Variants in COL6A6 observed in about 807,000 individuals in gnomAD.
COL6A6 encodes collagen type VI alpha 6 chain, also known as collagen alpha-6(VI) chain.
Under a neutral mutation model 208.6 loss-of-function variants are expected in COL6A6, and 183 were observed. The ratio of observed to expected loss-of-function variants is 0.88; its 90% CI spans 0.78 to 0.99. COL6A6 has a LOEUF of 0.99. Ranked by LOEUF, COL6A6 falls within the 50% of genes least tolerant of loss-of-function variation. COL6A6 has a pLI of 0.00. For synonymous variants in COL6A6, 973 were observed against 1,011.8 expected (o/e 0.96, Z 0.73); for missense variants, 2,816 against 2,815.2 (o/e 1.00, Z -0.01).
intron 32 of COL6A6, among the ~76,000 whole-genome samples, chr3:130,647,124 A>G (rs2065483346): frequency 6.6e-6 from 1 of 152,186 alleles, no homozygotes; most frequent in South Asian, 2.1e-4. Context: ...GAGCCATGTT[A>G]GTTGGGGAAC....
At chr3:130,597,994 C>T (rs2063897547) in intron 18 of COL6A6, among the ~76,000 whole-genome samples, 1 of 152,116 alleles carries the variant, frequency 6.6e-6, no homozygotes, top group South Asian at 2.1e-4. Context: ...TGTAACTTTG[C>T]CTAGCCTCCA....
Position 130,582,072 on chromosome 3 carries a change from C to A in COL6A6, c.3970+4C>A. 1 of 1,557,446 alleles carries A rather than the reference C, an allele frequency of 6.4e-7. No homozygotes were observed. The highest frequency in any genetic ancestry group is 8.8e-7 in the Non-Finnish European group (1 of 1,136,538). On this transcript the variant is annotated splice_donor_region_variant and intron_variant, in intron 10 of 36. Transcript: ENST00000358511. ...TCTGATGAACTTAGAAAAGAAGGTA[C>A]TGAGTATGGAGAAGTGGGAAGGGAG...
Position 130,661,632 on chromosome 3 carries a change from C to G in COL6A6, c.5831-5C>G, listed in dbSNP as rs774691511. The stretch of plus-strand genomic sequence containing the variant: ...TAGTAACCCAGAGTAACTTTTGGTT[C>G]ACAGATGTGTGCAAGCCAGATGCTT... On this transcript the variant is annotated splice_region_variant and splice_polypyrimidine_tract_variant and intron_variant, in intron 34 of 36. Coordinates refer to ENST00000358511, the MANE Select transcript of COL6A6 (RefSeq NM_001102608.3). The G allele has an allele frequency of 1.3e-6, 2 of 1,594,602 alleles. No homozygotes were observed. Among genetic ancestry groups the G allele is most frequent in the South Asian group, 1.1e-5 (1 of 88,946 alleles).
intron 33 of COL6A6, among the ~76,000 whole-genome samples, chr3:130,656,070 C>A (rs1405794634): frequency 6.6e-6 from 1 of 152,228 alleles, no homozygotes; most frequent in African/African-American, 2.4e-5. Flanking sequence ...GAACTGCAGA[C>A]CCCCAGAGAG....
intron 11 of COL6A6, among the ~76,000 whole-genome samples, chr3:130,588,049 G>A (rs185191626): frequency 6.6e-6 from 1 of 152,212 alleles, no homozygotes; most frequent in African/African-American, 2.4e-5. Flanking sequence ...TAGAATTTTG[G>A]TGATCCAAAG....
At chr3:130,615,400 G>A (rs1174352867) in intron 23 of COL6A6, among the ~76,000 whole-genome samples, 1 of 152,174 alleles carries the variant, frequency 6.6e-6, no homozygotes, top group Non-Finnish European at 1.5e-5. Flanking sequence ...GCGATGAGAA[G>A]AATGAATATT....
Position 130,642,756 on chromosome 3 carries a change from G to T in COL6A6, c.5155-76G>T, listed in dbSNP as rs569781585. 6.5e-5 allele frequency: 85 copies of T among 1,310,968 alleles called. 1 individual carries two copies. The South Asian group carries it at 1.1e-3, about 16-fold the overall frequency. 81.2% of individuals were successfully genotyped at this position (1,310,968 alleles called of 1,614,324 possible). ...ACTTTTAAAAGTTATCACTTTCTGAGGGCAATGTTGGTGCACACTGGCTAC... is the reference window on the plus strand; with the variant it reads ...ACTTTTAAAAGTTATCACTTTCTGATGGCAATGTTGGTGCACACTGGCTAC... On this transcript the variant is annotated intron_variant, in intron 29 of 36. Transcript: ENST00000358511.
At chr3:130,602,104 C>CATGGAGGCTGCA (rs1169962865) in intron 20 of COL6A6, among the ~76,000 whole-genome samples, 3 of 152,134 alleles carry the variant, frequency 2.0e-5, no homozygotes, top group Non-Finnish European at 1.5e-5. Flanking sequence ...CAACCAAGGC[C>CATGGAGGCTGCA]ATGGAGGCTG....
chr3:130,652,830 G>C (rs556741675), intron 33 of COL6A6, among the ~76,000 whole-genome samples: 1 of 152,114 alleles, frequency 6.6e-6, no homozygotes, highest in African/African-American at 2.4e-5. Flanking sequence ...TAAAACCCTA[G>C]TTTGTTTCAT....
intron 1 of COL6A6, among the ~76,000 whole-genome samples, chr3:130,525,646 A>G (rs937895026): frequency 6.6e-6 from 1 of 152,116 alleles, no homozygotes; most frequent in African/African-American, 2.4e-5. Context: ...GACAGAAGTC[A>G]TGAGTAGGTC....
intron 23 of COL6A6, among the ~76,000 whole-genome samples, chr3:130,619,035 T>G (rs1410234619): frequency 6.6e-6 from 1 of 152,168 alleles, no homozygotes; most frequent in African/African-American, 2.4e-5. Context: ...AACCAACAAA[T>G]TAAACACAGT....
intron 12 of COL6A6, among the ~76,000 whole-genome samples, chr3:130,590,813 C>T (rs909234995): frequency 1.3e-5 from 2 of 151,894 alleles, no homozygotes; most frequent in African/African-American, 2.4e-5. Flanking sequence ...TTGATCCGCC[C>T]GCCTGGGCCT....
chr3:130,534,211 TA>T (rs149386615), intron 1 of COL6A6, among the ~76,000 whole-genome samples: 9,961 of 152,134 alleles, frequency 0.065, 1,103 homozygotes, highest in African/African-American at 0.23. Context: ...TTGGCCAGTC[TA>T]ATAGGAAGGA....
intron 25 of COL6A6, among the ~76,000 whole-genome samples, chr3:130,626,886 A>AG (rs1199089808): frequency 1.3e-5 from 2 of 152,142 alleles, no homozygotes; most frequent in Non-Finnish European, 2.9e-5. Flanking sequence ...CCCACTGCTC[A>AG]GGGTTTCTAC....
intron 1 of COL6A6, among the ~76,000 whole-genome samples, chr3:130,554,650 G>T (rs999734281): frequency 6.6e-6 from 1 of 152,152 alleles, no homozygotes; most frequent in Non-Finnish European, 1.5e-5. Context: ...GGATCACAGG[G>T]TGCACTCACA....
In COL6A6 at chr3:130,662,535, T is replaced by G. The variant is rs146704381; in HGVS notation, c.6502+227T>G. On this transcript the variant is annotated intron_variant, in intron 35 of 36. Coordinates refer to ENST00000358511, the MANE Select transcript of COL6A6 (RefSeq NM_001102608.3). ...TTTTTTTTTATGCCTCTGGTTCCTA[T>G]AGAGAAGCAATCATAACAAGCAGCT... 1.1e-4 allele frequency among the ~76,000 whole-genome samples: 16 copies of G among 152,208 alleles called. 1 individual carries two copies. Among genetic ancestry groups the G allele is most frequent in the Non-Finnish European group, 2.1e-4 (14 of 67,992 alleles).
chr3:130,596,311 C>T (rs2063849949), intron 18 of COL6A6, among the ~76,000 whole-genome samples: 1 of 152,066 alleles, frequency 6.6e-6, no homozygotes. Context: ...ATATGATGAC[C>T]AAAAATTCAT....
Position 130,649,512 on chromosome 3 carries a change from C to T in COL6A6, c.5683C>T (p.Pro1895Ser), listed in dbSNP as rs763706389. Reference protein sequence around the residue: ...AMEFGALEIIPVVITFSNVPS... With the variant: ...AMEFGALEIISVVITFSNVPS... Reference sequence around the variant, plus strand: ...GGAGTTCGGCGCGCTTGAAATCATTCCCGTGGTGATCACTTTCAGCAACGT... The same window carrying T: ...GGAGTTCGGCGCGCTTGAAATCATTTCCGTGGTGATCACTTTCAGCAACGT... The change falls in exon 33 of 37, where the codon CCC (proline) becomes TCC (serine). Residue 1895 changes from proline to serine, a missense_variant. Pro to Ser is a moderately conservative substitution (Grantham distance 74). Transcript: ENST00000358511. 1 of 1,604,132 alleles carries T rather than the reference C, an allele frequency of 6.2e-7. No homozygotes were observed. Among genetic ancestry groups the T allele is most frequent in the South Asian group, 1.1e-5 (1 of 89,208 alleles).
chr3:130,592,639 T>C (rs377471564), intron 14 of COL6A6, 27 bp downstream of exon 14: 1 of 1,612,424 alleles, frequency 6.2e-7, no homozygotes, highest in African/African-American at 1.3e-5. Flanking sequence ...AGTGTGGAGT[T>C]TTCTCAATAT....
Sources: gnomAD v4.1 joint callset for allele counts (sites outside exome capture counted in the v4.1 genomes callset) on GRCh38, gnomAD v4.1.1 for gene constraint, MANE v1.5 for transcripts, NCBI Gene and HGNC (gene_info 2026-07-23, HGNC 2026-07-21) for gene names.